ADGRL3: variants seen among roughly 807,000 people sequenced by gnomAD.
ADGRL3 encodes the protein adhesion G protein-coupled receptor L3.
In ADGRL3, 62 loss-of-function variants were observed where a neutral mutation model predicts 153.5. The observed-to-expected ratio is 0.40, with a 90% confidence interval of 0.33 to 0.50. The LOEUF is 0.50. Ranked by LOEUF, ADGRL3 falls within the 20% of genes least tolerant of loss-of-function variation. The pLI, the probability that ADGRL3 is intolerant of heterozygous loss-of-function variation, is 0.47. For missense variants in ADGRL3, 1,641 were observed against 1,859.4 expected, an observed-to-expected ratio of 0.88 and a Z score of 2.16; for synonymous variants, 710 against 672.5, an observed-to-expected ratio of 1.06 and a Z score of -0.86.
At chr4:61,886,624 ATTTGTTTGT>A (rs2098540666) in intron 9 of ADGRL3, among the ~76,000 whole-genome samples, 1 of 149,016 alleles carries the variant, frequency 6.7e-6, no homozygotes, top group South Asian at 2.2e-4. Flanking sequence ...TTTAGACTAC[ATTTGTTTGT>A]TTGTTTGTTT....
chr4:61,354,819 AG>A (rs1012883502), intron 1 of ADGRL3, among the ~76,000 whole-genome samples: 2 of 152,224 alleles, frequency 1.3e-5, no homozygotes, highest in African/African-American at 4.8e-5. Context: ...CTCTTTAAAA[AG>A]CTTCTAGTGT....
At chr4:61,997,292 A>G (rs1295382890) in intron 20 of ADGRL3, among the ~76,000 whole-genome samples, 2 of 151,668 alleles carry the variant, frequency 1.3e-5, no homozygotes, top group African/African-American at 4.8e-5. Flanking sequence ...TGGAAAGACC[A>G]TGGACAGCCT....
At chr4:61,644,208 C>G (rs989004848) in intron 5 of ADGRL3, among the ~76,000 whole-genome samples, 8 of 147,464 alleles carry the variant, frequency 5.4e-5, no homozygotes, top group African/African-American at 1.8e-4. Flanking sequence ...TGCTAGCGGT[C>G]TATCAATTTT....
intron 2 of ADGRL3, among the ~76,000 whole-genome samples, chr4:61,442,825 C>T (rs1174634912): frequency 6.6e-6 from 1 of 151,894 alleles, no homozygotes; most frequent in Non-Finnish European, 1.5e-5. Context: ...CTTTAAAAAC[C>T]CCAGTATAAC....
At chr4:61,683,517 C>G (rs925558371) in intron 6 of ADGRL3, among the ~76,000 whole-genome samples, 1 of 152,038 alleles carries the variant, frequency 6.6e-6, no homozygotes, top group African/African-American at 2.4e-5. Flanking sequence ...TCTGGGGTCT[C>G]TTATGAACCC....
intron 8 of ADGRL3, among the ~76,000 whole-genome samples, chr4:61,774,534 G>A (rs2097125324): frequency 6.6e-6 from 1 of 151,862 alleles, no homozygotes; most frequent in Non-Finnish European, 1.5e-5. Flanking sequence ...AACTGTATGG[G>A]AGGATGTGTG....
At chr4:61,757,658 A>G (rs1212533581) in intron 8 of ADGRL3, among the ~76,000 whole-genome samples, 8 of 151,796 alleles carry the variant, frequency 5.3e-5, no homozygotes, top group East Asian at 3.9e-4. Context: ...CTTGCCTTCT[A>G]CTAGCTTTTG....
rs1048127233 is a variant in ADGRL3 at position 62,075,031 on chromosome 4, A to T, written c.*4123A>T. ...TTAAAAATTTCGACTGACTTTCTAC[A>T]TTACTGTAAAGATCAAAAGGGAGAG... On this transcript the variant is annotated 3_prime_UTR_variant, in exon 27 of 27. Transcript: ENST00000683033. 1 of 152,110 alleles carries T rather than the reference A, an allele frequency of 6.6e-6. No individual in the cohort carries two copies. Among genetic ancestry groups the T allele is most frequent in the Admixed American group, 6.6e-5 (1 of 15,244 alleles). 9.4% of individuals were successfully genotyped at this position (152,110 alleles called of 1,614,324 possible). A position where few individuals can be genotyped will look rare whatever the true frequency, so the allele number is the denominator to read the frequency against.
intron 4 of ADGRL3, among the ~76,000 whole-genome samples, chr4:61,578,377 A>T (rs1301663397): frequency 6.6e-6 from 1 of 152,212 alleles, no homozygotes; most frequent in African/African-American, 2.4e-5. Flanking sequence ...GATAAATTTT[A>T]GCGATTACCA....
chr4:61,848,352 T>C (rs1355174919), intron 9 of ADGRL3, among the ~76,000 whole-genome samples: 1 of 151,316 alleles, frequency 6.6e-6, no homozygotes, highest in Non-Finnish European at 1.5e-5. Flanking sequence ...GATCCTTCTT[T>C]ACCTCTTCCA....
intron 3 of ADGRL3, among the ~76,000 whole-genome samples, chr4:61,508,311 A>G (rs1035262644): frequency 1.5e-4 from 23 of 152,184 alleles, no homozygotes; most frequent in Non-Finnish European, 3.2e-4. Flanking sequence ...ATTAAAAAGC[A>G]ATCTTAAAAA....
At chr4:61,386,801 C>T (rs1283271123) in intron 2 of ADGRL3, among the ~76,000 whole-genome samples, 2 of 152,100 alleles carry the variant, frequency 1.3e-5, no homozygotes, top group Non-Finnish European at 2.9e-5. Flanking sequence ...ATGAGAAATT[C>T]AGTCTTCATT....
chr4:61,402,513 G>A (rs1184267109), intron 2 of ADGRL3, among the ~76,000 whole-genome samples: 1 of 152,076 alleles, frequency 6.6e-6, no homozygotes, highest in Non-Finnish European at 1.5e-5. Context: ...ACTTAAAAAT[G>A]TTAATAAAGT....
At chr4:61,713,229 T>G (rs1228552833) in intron 6 of ADGRL3, among the ~76,000 whole-genome samples, 2 of 152,094 alleles carry the variant, frequency 1.3e-5, no homozygotes, top group Non-Finnish European at 2.9e-5. Context: ...TTTCCTGCAA[T>G]AAGAAGACAT....
chr4:61,468,811 C>T (rs1053012423), intron 2 of ADGRL3, among the ~76,000 whole-genome samples: 11 of 152,062 alleles, frequency 7.2e-5, no homozygotes, highest in Admixed American at 2.6e-4. Flanking sequence ...GAAAAAGAGA[C>T]GTCTAGTTTG....
chr4:61,712,859 T>C (rs1351434668), intron 6 of ADGRL3, among the ~76,000 whole-genome samples: 1 of 152,200 alleles, frequency 6.6e-6, no homozygotes, highest in East Asian at 1.9e-4. Flanking sequence ...TATACATTTA[T>C]GTTCTGCATT....
At chr4:61,857,796 A>G (rs2098294987) in intron 9 of ADGRL3, among the ~76,000 whole-genome samples, 1 of 151,594 alleles carries the variant, frequency 6.6e-6, no homozygotes, top group Non-Finnish European at 1.5e-5. Context: ...TGGTGCATTC[A>G]TAGTTCACCA....
intron 2 of ADGRL3, among the ~76,000 whole-genome samples, chr4:61,455,110 T>G (rs540659422): frequency 3.3e-5 from 5 of 152,120 alleles, no homozygotes; most frequent in Admixed American, 6.6e-5. Flanking sequence ...CTAAATCTAA[T>G]CAGTCAAAAA....
chr4:61,249,814 CT>C (rs1340890915), intron 1 of ADGRL3, among the ~76,000 whole-genome samples: 1 of 152,122 alleles, frequency 6.6e-6, no homozygotes, highest in African/African-American at 2.4e-5. Flanking sequence ...AAGTGAGTGG[CT>C]TTCTCATGGT....
Sources: allele counts gnomAD v4.1 joint callset (sites outside exome capture counted in the v4.1 genomes callset), GRCh38; gene constraint gnomAD v4.1.1; transcripts MANE v1.5; gene names NCBI Gene and HGNC (gene_info 2026-07-23, HGNC 2026-07-21).